TUT7: variants seen among roughly 807,000 people sequenced by gnomAD.
TUT7 encodes terminal uridylyl transferase 7.
In TUT7, 33 loss-of-function variants were observed where a neutral mutation model predicts 165.9. The observed-to-expected ratio is 0.20, with a 90% confidence interval of 0.15 to 0.27. TUT7 has a LOEUF of 0.27. Ranked by LOEUF, TUT7 falls within the 10% of genes least tolerant of loss-of-function variation. TUT7 has a pLI of 1.00. For synonymous variants in TUT7, 552 were observed against 608.1 expected (o/e 0.91, Z 1.36); for missense variants, 1,338 against 1,762.3 (o/e 0.76, Z 4.31).
At chr9:86,346,268 TAACC>T in intron 3 of TUT7, 27 bp downstream of exon 3, 2 of 1,592,160 alleles carry the variant, frequency 1.3e-6, no homozygotes, top group Non-Finnish European at 1.7e-6. Context: ...ACCAGGATTC[TAACC>T]AACAAATATA....
chr9:86,294,216 C>A (rs1826113953), intron 26 of TUT7, among the ~76,000 whole-genome samples: 1 of 128,310 alleles, frequency 7.8e-6, no homozygotes, highest in African/African-American at 2.9e-5. Context: ...ATCTACTTTA[C>A]AAAAGAAAGG....
chr9:86,294,738 A>G (rs1826166098), intron 26 of TUT7, among the ~76,000 whole-genome samples: 1 of 150,960 alleles, frequency 6.6e-6, no homozygotes, highest in Non-Finnish European at 1.5e-5. Context: ...TATTATTTTA[A>G]TATTTGTTTA....
intron 21 of TUT7, 46 bp downstream of exon 21, chr9:86,309,165 AT>A: frequency 8.2e-7 from 1 of 1,222,888 alleles, no homozygotes; most frequent in South Asian, 1.3e-5. Context: ...AGTATAGCTA[AT>A]TTTTAGTCAA....
chr9:86,293,462 G>A (rs1483317215), intron 26 of TUT7, among the ~76,000 whole-genome samples: 1 of 151,724 alleles, frequency 6.6e-6, no homozygotes, highest in Non-Finnish European at 1.5e-5. Flanking sequence ...CAATACAAAA[G>A]TACAAAGAAA....
At chr9:86,302,187 C>G (rs1292205644) in intron 25 of TUT7, among the ~76,000 whole-genome samples, 1 of 152,068 alleles carries the variant, frequency 6.6e-6, no homozygotes, top group African/African-American at 2.4e-5. Context: ...AAAACACCAC[C>G]ACTACCACCC....
At chr9:86,335,972 T>C (rs575035906) in intron 10 of TUT7, among the ~76,000 whole-genome samples, 2 of 152,152 alleles carry the variant, frequency 1.3e-5, no homozygotes, top group Non-Finnish European at 2.9e-5. Context: ...ATGCTGGCCA[T>C]AGGAAAGGGT....
chr9:86,322,260 T>G (rs1829376598), intron 14 of TUT7, 65 bp downstream of exon 14: 1 of 1,484,654 alleles, frequency 6.7e-7, no homozygotes, highest in Non-Finnish European at 9.3e-7. Context: ...GGATAGTGAT[T>G]CTAAAGACTC....
intron 26 of TUT7, among the ~76,000 whole-genome samples, chr9:86,300,815 T>C (rs547944309): frequency 3.3e-5 from 5 of 152,376 alleles, no homozygotes; most frequent in African/African-American, 1.2e-4. Context: ...CTGCTAACTA[T>C]GCAGCCTATT....
At chr9:86,318,814 A>C (rs1828974747) in intron 16 of TUT7, 144 bp downstream of exon 16, 2 of 527,560 alleles carry the variant, frequency 3.8e-6, no homozygotes, top group Admixed American at 7.3e-5. Flanking sequence ...AAGCCTCTTA[A>C]TGTATTTGGC....
At chr9:86,339,523 A>C (rs1587992913) in intron 8 of TUT7, among the ~76,000 whole-genome samples, 1 of 152,208 alleles carries the variant, frequency 6.6e-6, no homozygotes, top group Non-Finnish European at 1.5e-5. Context: ...GTCTCAAAAA[A>C]AAAAGTTTCA....
At chr9:86,321,884 T>G (rs1439925123) in intron 14 of TUT7, among the ~76,000 whole-genome samples, 1 of 152,154 alleles carries the variant, frequency 6.6e-6, no homozygotes, top group Non-Finnish European at 1.5e-5. Context: ...AAGACTAGCT[T>G]GGGTAACACA....
At chr9:86,312,076 C>T (rs1414390200) in intron 17 of TUT7, among the ~76,000 whole-genome samples, 9 of 151,998 alleles carry the variant, frequency 5.9e-5, no homozygotes, top group African/African-American at 7.2e-5. Flanking sequence ...TGTGCCTGGC[C>T]GCCCATCGTC....
At chr9:86,298,915 G>T in intron 26 of TUT7, 1 of 639,400 alleles carries the variant, frequency 1.6e-6, no homozygotes, top group Non-Finnish European at 1.9e-6. Flanking sequence ...TCCAAGGAGA[G>T]CTGAAATAAG....
At chr9:86,313,374 AGAGCATCTGTAACTG>A (rs1828402679) in intron 17 of TUT7, among the ~76,000 whole-genome samples, 1 of 152,160 alleles carries the variant, frequency 6.6e-6, no homozygotes, top group Admixed American at 6.5e-5. Context: ...GGCATGTTTG[AGAGCATCTGTAACTG>A]GATGGGAAGC....
rs376694151 is a variant in TUT7 at position 86,350,323 on chromosome 9, T to G, written c.520+2357A>C. Among the ~76,000 whole-genome samples the G allele has an allele frequency of 9.9e-5, 15 of 152,190 alleles. No individual in the cohort carries two copies. In the East Asian group the frequency reaches 2.5e-3, roughly 25 times the overall value. ...TCCAGCCTGGGCTACAGAGCGAGAC[T>G]CCATCTCAAAAAAGAGAATAATAAT... On this transcript the variant is annotated intron_variant, in intron 2 of 26. Coordinates refer to ENST00000375963, the MANE Select transcript of TUT7 (RefSeq NM_024617.4).
At chr9:86,353,353 A>T (rs1001176314) in intron 1 of TUT7, 123 bp from the exon 2 acceptor site, 12 of 768,084 alleles carry the variant, frequency 1.6e-5, no homozygotes, top group African/African-American at 1.3e-4. Flanking sequence ...CTATTTTTTT[A>T]AAATAAAAAT....
At chr9:86,352,109 T>C (rs1189527379) in intron 2 of TUT7, among the ~76,000 whole-genome samples, 1 of 152,116 alleles carries the variant, frequency 6.6e-6, no homozygotes, top group East Asian at 1.9e-4. Context: ...TCTAAACTTG[T>C]TTCTCAACCT....
rs761728890 is a variant in TUT7 at position 86,323,415 on chromosome 9, G to A, written c.2335C>T (p.Arg779Cys). 1.1e-5 allele frequency: 18 copies of A among 1,614,016 alleles called. No individual in the cohort carries two copies. The highest frequency in any genetic ancestry group is 1.4e-5 in the Non-Finnish European group (16 of 1,180,040). Residue 779 changes from arginine (R) to cysteine (C), a missense_variant, in exon 13 of 27, where the codon CGT (arginine) becomes TGT (cysteine). Around this residue, in one of 7 missense-constraint regions of TUT7, gnomAD observed 425 missense variants for 474.9 expected, o/e 0.89. Coordinates refer to ENST00000375963, the MANE Select transcript of TUT7 (RefSeq NM_024617.4). ...AAAGTGCTCTCTGACTCATTATTAC[G>A]TGTGCTGCCACAGACAACATGCTCT... The part of the protein sequence containing the change: ...RGEHVVCGST[R>C]NNESESTLDL...
intron 26 of TUT7, among the ~76,000 whole-genome samples, chr9:86,291,108 A>C (rs1442782069): frequency 1.3e-5 from 2 of 152,210 alleles, no homozygotes; most frequent in African/African-American, 4.8e-5. Flanking sequence ...TGGAATGGCA[A>C]TACACACAAA....
Sources: allele counts gnomAD v4.1 joint callset (sites outside exome capture counted in the v4.1 genomes callset), GRCh38; gene constraint gnomAD v4.1.1; regional missense constraint gnomAD v4.1.1; transcripts MANE v1.5; gene names NCBI Gene and HGNC (gene_info 2026-07-23, HGNC 2026-07-21).